LPP: variants seen among roughly 807,000 people sequenced by gnomAD.
LPP encodes lipoma-preferred partner.
Under a neutral mutation model 60.4 loss-of-function variants are expected in LPP, and 38 were observed. That is an observed-to-expected ratio of 0.63 (90% CI 0.49 to 0.83). The LOEUF (loss-of-function observed/expected upper bound fraction) is 0.83, where lower values mean the gene tolerates loss of function less well. Ranked by LOEUF, LPP falls within the 40% of genes least tolerant of loss-of-function variation. The pLI is 0.00. For missense variants in LPP, 902 were observed against 783.6 expected (o/e 1.15, Z -1.80); for synonymous variants, 328 against 290.8 (o/e 1.13, Z -1.30).
intron 9 of LPP, among the ~76,000 whole-genome samples, chr3:188,803,527 C>A (rs975455617): frequency 2.0e-5 from 3 of 152,116 alleles, no homozygotes; most frequent in Non-Finnish European, 4.4e-5. Flanking sequence ...TTTTTCCCCC[C>A]ATAGGGATGT....
intron 9 of LPP, among the ~76,000 whole-genome samples, chr3:188,833,585 C>G (rs1459607093): frequency 6.6e-6 from 1 of 152,176 alleles, no homozygotes; most frequent in Non-Finnish European, 1.5e-5. Context: ...GGACATGCTT[C>G]TCTCTTCTTG....
intron 1 of LPP, among the ~76,000 whole-genome samples, chr3:188,167,610 T>C (rs1204480606): frequency 6.9e-6 from 1 of 144,308 alleles, no homozygotes; most frequent in Non-Finnish European, 1.5e-5. Context: ...TTTTTTAGGA[T>C]TCTCTGTCAA....
At position 188,304,214 on chromosome 3, in the gene LPP, G is replaced by A. The variant is rs552318127; in HGVS notation, c.-66-37449G>A. 6.8e-4 allele frequency among the ~76,000 whole-genome samples: 103 copies of A among 152,294 alleles called. 2 individuals carry two copies. Among genetic ancestry groups the A allele is most frequent in the Middle Eastern group, 3.4e-3 (1 of 294 alleles). On this transcript the variant is annotated intron_variant, in intron 2 of 11. Transcript: ENST00000617246. ...CAGAGGGCAAATAGATTTAAATGGCGTAATAGAAAATTTGCATTCTCTTGC... is the reference window on the plus strand; with the variant it reads ...CAGAGGGCAAATAGATTTAAATGGCATAATAGAAAATTTGCATTCTCTTGC...
intron 1 of LPP, among the ~76,000 whole-genome samples, chr3:188,204,535 A>G (rs1397352362): frequency 6.6e-6 from 1 of 152,202 alleles, no homozygotes; most frequent in Non-Finnish European, 1.5e-5. Context: ...TATAATAACA[A>G]TGGCAATATT....
At chr3:188,319,382 G>T (rs1756271602) in intron 2 of LPP, among the ~76,000 whole-genome samples, 1 of 151,780 alleles carries the variant, frequency 6.6e-6, no homozygotes, top group Admixed American at 6.6e-5. Flanking sequence ...TGGCACAGTT[G>T]GTCTTTCTCA....
chr3:188,364,150 C>T (rs1040766269), intron 3 of LPP, among the ~76,000 whole-genome samples: 1 of 152,240 alleles, frequency 6.6e-6, no homozygotes, highest in Admixed American at 6.5e-5. Flanking sequence ...AGAGTTATTA[C>T]CAAAAATGTT....
rs981068754 is a variant in LPP at position 188,496,685 on chromosome 3, T to C, written c.306+11981T>C. Among the ~76,000 whole-genome samples the C allele has an allele frequency of 3.3e-5, 5 of 152,348 alleles. No individual in the cohort carries two copies. The East Asian group carries it at 9.6e-4, about 29-fold the overall frequency. Reference sequence around the variant, plus strand: ...TGTTACTCTCCCTTTATATTCATTTTTAGTGAAGGAAACAAAACAGCAGTT... The same window carrying C: ...TGTTACTCTCCCTTTATATTCATTTCTAGTGAAGGAAACAAAACAGCAGTT... On this transcript the variant is annotated intron_variant, in intron 5 of 11. Transcript: ENST00000617246.
intron 1 of LPP, among the ~76,000 whole-genome samples, chr3:188,200,588 T>C (rs1730819448): frequency 6.6e-6 from 1 of 152,224 alleles, no homozygotes; most frequent in East Asian, 1.9e-4. Context: ...AGTGTCCTTT[T>C]GCCCTTCATG....
At position 188,307,829 on chromosome 3, in the gene LPP, CT is replaced by C. The variant is rs1577998314; in HGVS notation, c.-66-33833del. On this transcript the variant is annotated intron_variant, in intron 2 of 11. Transcript: ENST00000617246. Reference sequence around the variant, plus strand: ...TAACACAGGGAATACAGCTGATTATCTCTTAGACATTGTTAGGATAAATTGT... The same window carrying C: ...TAACACAGGGAATACAGCTGATTATCCTTAGACATTGTTAGGATAAATTGT... Among the ~76,000 whole-genome samples, 6 of 152,276 alleles carry C rather than the reference CT, an allele frequency of 3.9e-5. No homozygotes were observed. In the East Asian group the frequency reaches 1.2e-3, roughly 29 times the overall value.
chr3:188,814,938 A>T (rs529036042), intron 9 of LPP, among the ~76,000 whole-genome samples: 1 of 152,330 alleles, frequency 6.6e-6, no homozygotes, highest in African/African-American at 2.4e-5. Context: ...GACTCAGTGA[A>T]TGCTCTTATC....
chr3:188,771,387 A>G (rs769940186), intron 9 of LPP, among the ~76,000 whole-genome samples: 6 of 151,984 alleles, frequency 3.9e-5, no homozygotes, highest in Admixed American at 1.3e-4. Flanking sequence ...CATCTCTACT[A>G]AAAATACAAA....
intron 2 of LPP, among the ~76,000 whole-genome samples, chr3:188,237,977 T>C (rs1043345526): frequency 4.6e-5 from 7 of 152,260 alleles, no homozygotes; most frequent in African/African-American, 1.4e-4. Flanking sequence ...AATATAAGCC[T>C]GTTTCATCTA....
At chr3:188,692,885 C>G (rs1451652129) in intron 7 of LPP, among the ~76,000 whole-genome samples, 1 of 152,226 alleles carries the variant, frequency 6.6e-6, no homozygotes, top group Admixed American at 6.5e-5. Context: ...AGGCTGAGTT[C>G]ATACGTTCAG....
intron 6 of LPP, among the ~76,000 whole-genome samples, chr3:188,594,067 A>C (rs1296728847): frequency 6.6e-6 from 1 of 152,202 alleles, no homozygotes; most frequent in Non-Finnish European, 1.5e-5. Flanking sequence ...TGAAAGGCTG[A>C]AGATAGGAAT....
chr3:188,682,963 T>C lies in LPP; in HGVS notation c.1114-25304T>C, dbSNP rs569224428. 1.3e-3 allele frequency among the ~76,000 whole-genome samples: 195 copies of C among 152,228 alleles called. 1 individual carries two copies. The highest frequency in any genetic ancestry group is 4.1e-3 in the African/African-American group (172 of 41,526). ...TCTCAAGCACCTCTCTTTTTTCCTA[T>C]ATTTTAAAACAGGATGACCACAAAG... On this transcript the variant is annotated intron_variant, in intron 7 of 11. Coordinates refer to ENST00000617246, the MANE Select transcript of LPP (RefSeq NM_001375462.1).
chr3:188,343,024 T>C (rs1560273544), intron 3 of LPP, among the ~76,000 whole-genome samples: 1 of 152,194 alleles, frequency 6.6e-6, no homozygotes, highest in Admixed American at 6.5e-5. Context: ...TTACTTATTA[T>C]TTTACTTTAA....
At chr3:188,671,788 C>T (rs1409593730) in intron 7 of LPP, among the ~76,000 whole-genome samples, 1 of 152,092 alleles carries the variant, frequency 6.6e-6, no homozygotes, top group Non-Finnish European at 1.5e-5. Context: ...AGGCACCCAC[C>T]CTCAGTGGAG....
intron 2 of LPP, among the ~76,000 whole-genome samples, chr3:188,226,112 G>A (rs532774404): frequency 2.6e-5 from 4 of 152,176 alleles, no homozygotes; most frequent in East Asian, 1.9e-4. Context: ...AGGTTCAAGC[G>A]ATTCTCCTGC....
At chr3:188,213,269 A>C (rs1314464222) in intron 1 of LPP, among the ~76,000 whole-genome samples, 1 of 152,196 alleles carries the variant, frequency 6.6e-6, no homozygotes, top group East Asian at 1.9e-4. Flanking sequence ...CACGGTCTGG[A>C]ATACCTTGTG....
Sources: allele counts gnomAD v4.1 joint callset (sites outside exome capture counted in the v4.1 genomes callset), GRCh38; gene constraint gnomAD v4.1.1; transcripts MANE v1.5; gene names NCBI Gene and HGNC (gene_info 2026-07-23, HGNC 2026-07-21).